KIAA1549L: variants seen among roughly 807,000 people sequenced by gnomAD.
KIAA1549L encodes UPF0606 protein KIAA1549L.
Under a neutral mutation model 160.7 loss-of-function variants are expected in KIAA1549L, and 88 were observed. The ratio of observed to expected loss-of-function variants is 0.55; its 90% confidence interval spans 0.46 to 0.65. The LOEUF (loss-of-function observed/expected upper bound fraction) is 0.65. Among genes scored for constraint, KIAA1549L ranks in the 30% least tolerant of loss-of-function variants. The probability of loss-of-function intolerance (pLI) is 0.00; values close to 1 mark genes in which losing one functional copy is unlikely to be tolerated. For synonymous variants in KIAA1549L, 950 were observed against 976.7 expected (o/e 0.97, Z 0.51); for missense variants, 2,258 against 2,437.5 (o/e 0.93, Z 1.55).
intron 1 of KIAA1549L, among the ~76,000 whole-genome samples, chr11:33,397,475 C>G (rs1161874312): frequency 6.6e-6 from 1 of 151,312 alleles, no homozygotes; most frequent in African/African-American, 2.4e-5. Flanking sequence ...TTTTGGGAGA[C>G]CAAGGTGGGC....
chr11:33,649,979 C>T (rs1201271044), intron 17 of KIAA1549L, among the ~76,000 whole-genome samples: 1 of 152,146 alleles, frequency 6.6e-6, no homozygotes, highest in Non-Finnish European at 1.5e-5. Context: ...GTGAGAGATT[C>T]AATGCCAGTT....
At chr11:33,650,488 A>G (rs1190810729) in intron 17 of KIAA1549L, among the ~76,000 whole-genome samples, 1 of 152,158 alleles carries the variant, frequency 6.6e-6, no homozygotes, top group Non-Finnish European at 1.5e-5. Flanking sequence ...GGGGACCTAC[A>G]TGATGTTGGG....
At chr11:33,654,146 G>A (rs1160979242) in intron 17 of KIAA1549L, among the ~76,000 whole-genome samples, 3 of 151,208 alleles carry the variant, frequency 2.0e-5, no homozygotes, top group Non-Finnish European at 4.4e-5. Context: ...CTAATTTTTT[G>A]TATTTTTAGT....
intron 17 of KIAA1549L, among the ~76,000 whole-genome samples, chr11:33,652,186 C>T (rs1851916450): frequency 6.6e-6 from 1 of 151,786 alleles, no homozygotes; most frequent in Non-Finnish European, 1.5e-5. Flanking sequence ...CAATAGCTTC[C>T]AATGGATTCC....
rs535679911 is a variant in KIAA1549L, at chr11:33,418,071, A to G, written c.238+41182A>G. On this transcript the variant is annotated intron_variant, in intron 1 of 20. Coordinates refer to ENST00000658780, the MANE Select transcript of KIAA1549L (RefSeq NM_012194.3). ...TGGGATTACAGGCGTGAGCCACCAC[A>G]CCTGGTTCCTATCCCTCTTTTTCTG... Among the ~76,000 whole-genome samples the G allele has an allele frequency of 3.9e-5, 6 of 152,166 alleles. No homozygotes were observed. In the South Asian group the frequency reaches 1.2e-3, roughly 32 times the overall value.
At chr11:33,571,956 C>T (rs1160071219) in intron 9 of KIAA1549L, among the ~76,000 whole-genome samples, 1 of 152,026 alleles carries the variant, frequency 6.6e-6, no homozygotes, top group Non-Finnish European at 1.5e-5. Flanking sequence ...TAATTTTCTT[C>T]AACATGCTGG....
intron 1 of KIAA1549L, among the ~76,000 whole-genome samples, chr11:33,447,310 A>G (rs2132961911): frequency 6.6e-6 from 1 of 152,314 alleles, no homozygotes; most frequent in Non-Finnish European, 1.5e-5. Flanking sequence ...TGATGATGTG[A>G]GTAATGACCT....
chr11:33,572,671 T>C (rs1855303572), intron 9 of KIAA1549L, among the ~76,000 whole-genome samples: 1 of 152,258 alleles, frequency 6.6e-6, no homozygotes, highest in Admixed American at 6.5e-5. Context: ...TATTCTCTTA[T>C]ATGAATATAC....
chr11:33,668,118 C>CA lies in KIAA1549L; in HGVS notation c.6411dup (p.Gln2138ThrfsTer6). The CA allele has an allele frequency of 6.2e-7, 1 of 1,613,342 alleles. No individual in the cohort carries two copies. The highest frequency in any genetic ancestry group is 8.5e-7 in the Non-Finnish European group (1 of 1,179,768). On this transcript the variant is annotated frameshift_variant, in exon 21 of 21. Transcript: ENST00000658780. LOFTEE classifies it high-confidence loss of function. ...TCCGGGAGGAGGTGGCCAAGCTGGC[C>CA]AAAAAACAGACAGACATGTTTGAGT... is the stretch of plus-strand genomic sequence containing the variant.
intron 6 of KIAA1549L, 125 bp downstream of exon 6, chr11:33,552,366 A>T: frequency 9.8e-7 from 1 of 1,023,732 alleles, no homozygotes; most frequent in Non-Finnish European, 1.4e-6. Context: ...TACTTCAGAC[A>T]TTGGTGAGGA....
chr11:33,661,038 A>T, intron 20 of KIAA1549L, 24 bp downstream of exon 20: 1 of 1,588,392 alleles, frequency 6.3e-7, no homozygotes, highest in Non-Finnish European at 8.6e-7. Flanking sequence ...TCTTCACCTC[A>T]TAAAACTTTA....
intron 17 of KIAA1549L, among the ~76,000 whole-genome samples, chr11:33,653,792 A>G (rs1004245808): frequency 6.6e-6 from 1 of 151,926 alleles, no homozygotes; most frequent in African/African-American, 2.4e-5. Flanking sequence ...CCCATTGTGC[A>G]TCATTCTTAG....
intron 18 of KIAA1549L, 30 bp downstream of exon 18, chr11:33,656,139 G>A (rs545569405): frequency 1.3e-6 from 2 of 1,559,820 alleles, no homozygotes; most frequent in East Asian, 4.5e-5. Flanking sequence ...GTTTTGTTTG[G>A]AATATTTGGA....
chr11:33,618,579 A>G lies in KIAA1549L; in HGVS notation c.5326A>G (p.Ser1776Gly). ...SVYRSRQSLN[S>G]PSPGETEMDL... The stretch of plus-strand genomic sequence containing the variant: ...CTACAGAAGCCGGCAGTCTCTGAAC[A>G]GCCCGAGTCCAGGGGAAACCGAGAT... The change falls in exon 16 of 21, where the codon AGC becomes GGC. Residue 1776 changes from serine to glycine, a missense_variant. By Grantham distance (56) the Ser-to-Gly change is moderately conservative. Around this residue, in one of 6 missense-constraint regions of KIAA1549L, gnomAD observed 1,359 missense variants for 1,546.6 expected, o/e 0.88. Coordinates refer to ENST00000658780, the MANE Select transcript of KIAA1549L (RefSeq NM_012194.3). 1 of 1,611,670 alleles carries G rather than the reference A, an allele frequency of 6.2e-7. No homozygotes were observed. Among genetic ancestry groups the G allele is most frequent in the Non-Finnish European group, 8.5e-7 (1 of 1,178,538 alleles).
chr11:33,466,337 CAT>C (rs1852057181), intron 1 of KIAA1549L, among the ~76,000 whole-genome samples: 1 of 152,186 alleles, frequency 6.6e-6, no homozygotes, highest in Admixed American at 6.5e-5. Context: ...CAAAAAAAGA[CAT>C]TTATGCAGCC....
intron 15 of KIAA1549L, among the ~76,000 whole-genome samples, chr11:33,613,032 T>C (rs1397772174): frequency 1.3e-5 from 2 of 152,234 alleles, no homozygotes; most frequent in African/African-American, 4.8e-5. Context: ...TGATTCCATA[T>C]CTTTGCAATT....
At position 33,596,067 on chromosome 11, in the gene KIAA1549L, A is replaced by G. The variant is rs146915408; in HGVS notation, c.4752-2753A>G. On this transcript the variant is annotated intron_variant, in intron 12 of 20. Coordinates refer to ENST00000658780, the MANE Select transcript of KIAA1549L (RefSeq NM_012194.3). ...GTAGTGATTGGCCGTGATTCGTGCC[A>G]TGTTCGGCAGTTGATTAATCCTCAA... is the stretch of plus-strand genomic sequence containing the variant. Among the ~76,000 whole-genome samples, 554 of 152,258 alleles carry G rather than the reference A, an allele frequency of 3.6e-3. 1 individual carries two copies. Among genetic ancestry groups the G allele is most frequent in the African/African-American group, 0.013 (542 of 41,534 alleles).
At chr11:33,488,896 G>A (rs79248712) in intron 1 of KIAA1549L, among the ~76,000 whole-genome samples, 2 of 152,306 alleles carry the variant, frequency 1.3e-5, no homozygotes, top group East Asian at 3.9e-4. Flanking sequence ...GTGCTTGGAT[G>A]TGAACTAGGT....
chr11:33,486,310 A>G (rs1258971252), intron 1 of KIAA1549L, among the ~76,000 whole-genome samples: 5 of 152,194 alleles, frequency 3.3e-5, no homozygotes, highest in Admixed American at 6.6e-5. Context: ...ATTAAAAATA[A>G]AACTACCATA....
Sources: allele counts gnomAD v4.1 joint callset (sites outside exome capture counted in the v4.1 genomes callset), GRCh38; gene constraint gnomAD v4.1.1; regional missense constraint gnomAD v4.1.1; transcripts MANE v1.5; gene names NCBI Gene and HGNC (gene_info 2026-07-23, HGNC 2026-07-21).